CDH12: variants seen among roughly 807,000 people sequenced by gnomAD.
CDH12 encodes cadherin 12.
CDH12 carries 41 observed loss-of-function variants against 74.1 expected under a neutral mutation model. That is an observed-to-expected ratio of 0.55 (90% CI 0.43 to 0.72). The LOEUF (loss-of-function observed/expected upper bound fraction) is 0.72, where lower values mean the gene tolerates loss of function less well. CDH12 is among the 30% of genes least tolerant of loss of function. The pLI is 0.00. For missense variants in CDH12, 945 were observed against 977.2 expected, an observed-to-expected ratio of 0.97 and a Z score of 0.44; for synonymous variants, 399 against 355.0, an observed-to-expected ratio of 1.12 and a Z score of -1.39.
At chr5:21,818,641 CTAAATACTCAACTAAAGTTTGTTTATTT>C (rs1242908253) in intron 8 of CDH12, among the ~76,000 whole-genome samples, 1 of 151,788 alleles carries the variant, frequency 6.6e-6, no homozygotes. Flanking sequence ...CTCAAGAGAG[CTAAATACTCAACTAAAGTTTGTTTATTT>C]TACATATAAG....
chr5:22,359,522 G>A (rs1371180790), intron 3 of CDH12, among the ~76,000 whole-genome samples: 1 of 152,094 alleles, frequency 6.6e-6, no homozygotes, highest in African/African-American at 2.4e-5. Context: ...ACAGATCAAC[G>A]AGACAGAAAG....
intron 1 of CDH12, among the ~76,000 whole-genome samples, chr5:22,608,127 C>A (rs1737211032): frequency 1.3e-5 from 2 of 152,170 alleles, no homozygotes; most frequent in South Asian, 4.1e-4. Context: ...AAAGCTTGCA[C>A]CATGTGCCTG....
chr5:22,148,344 G>A (rs962742085), intron 4 of CDH12, among the ~76,000 whole-genome samples: 33 of 151,874 alleles, frequency 2.2e-4, no homozygotes, highest in Non-Finnish European at 3.8e-4. Flanking sequence ...TTTCTGAGTT[G>A]TGCATTATAT....
intron 1 of CDH12, among the ~76,000 whole-genome samples, chr5:22,809,980 A>G (rs1202424043): frequency 6.6e-6 from 1 of 152,166 alleles, no homozygotes; most frequent in African/African-American, 2.4e-5. Context: ...TTTTAGTATT[A>G]TAAAACTCAT....
chr5:22,244,805 AT>A (rs1752889998), intron 3 of CDH12, among the ~76,000 whole-genome samples: 1 of 146,310 alleles, frequency 6.8e-6, no homozygotes, highest in Non-Finnish European at 1.5e-5. Flanking sequence ...AGAAAGAAAA[AT>A]TCAAAGTAGG....
At chr5:22,681,737 G>A (rs907125983) in intron 1 of CDH12, among the ~76,000 whole-genome samples, 2 of 152,008 alleles carry the variant, frequency 1.3e-5, no homozygotes, top group Non-Finnish European at 2.9e-5. Context: ...GAAACATTGT[G>A]ATTGTTTCAA....
In CDH12 at chr5:21,988,839, T is replaced by G. The variant is rs11956671; in HGVS notation, c.232-13454A>C. On this transcript the variant is annotated intron_variant, in intron 5 of 14. Transcript: ENST00000382254. ...CATTAAAACTTCACAAGCTTTTGGATTTTTTAACAAATATTAGGGCTGTGC... is the reference window on the plus strand; with the variant it reads ...CATTAAAACTTCACAAGCTTTTGGAGTTTTTAACAAATATTAGGGCTGTGC... Among the ~76,000 whole-genome samples, 1,141 of 152,206 alleles carry G rather than the reference T, an allele frequency of 7.5e-3. 16 individuals are homozygous for G. The highest frequency in any genetic ancestry group is 0.026 in the African/African-American group (1,072 of 41,536).
intron 3 of CDH12, among the ~76,000 whole-genome samples, chr5:22,336,685 C>T (rs6880693): frequency 0.011 from 1,699 of 152,272 alleles, 35 homozygotes; most frequent in African/African-American, 0.039. Flanking sequence ...GGAACCTCTA[C>T]CTAGATTTCA....
intron 1 of CDH12, among the ~76,000 whole-genome samples, chr5:22,661,412 C>T (rs960213247): frequency 2.0e-5 from 3 of 152,168 alleles, no homozygotes; most frequent in Non-Finnish European, 4.4e-5. Flanking sequence ...TACTCCAATG[C>T]AGACGTTTTA....
chr5:22,568,303 TA>T (rs1739384925), intron 1 of CDH12, among the ~76,000 whole-genome samples: 1 of 152,152 alleles, frequency 6.6e-6, no homozygotes, highest in Admixed American at 6.5e-5. Context: ...TCAGTGCTTA[TA>T]AAAAGTATAT....
chr5:22,264,197 A>G (rs1319994701), intron 3 of CDH12, among the ~76,000 whole-genome samples: 1 of 151,832 alleles, frequency 6.6e-6, no homozygotes, highest in Non-Finnish European at 1.5e-5. Context: ...CATATATTTG[A>G]TTGTGGTTTT....
At chr5:22,183,901 G>T (rs1434284855) in intron 4 of CDH12, among the ~76,000 whole-genome samples, 2 of 152,068 alleles carry the variant, frequency 1.3e-5, no homozygotes, top group African/African-American at 4.8e-5. Context: ...TTGACAGTTA[G>T]AAAGGGTCCT....
chr5:22,729,928 G>A (rs181062875), intron 1 of CDH12, among the ~76,000 whole-genome samples: 90 of 151,844 alleles, frequency 5.9e-4, no homozygotes, highest in African/African-American at 2.1e-3. Context: ...AGGATTAAAT[G>A]AACATATACA....
chr5:21,804,278 G>A (rs1432850035), intron 9 of CDH12, among the ~76,000 whole-genome samples: 1 of 152,048 alleles, frequency 6.6e-6, no homozygotes, highest in African/African-American at 2.4e-5. Context: ...TTGATGACAT[G>A]AATAGAAGTG....
intron 4 of CDH12, among the ~76,000 whole-genome samples, chr5:22,156,912 A>G (rs1748052963): frequency 6.6e-6 from 1 of 152,292 alleles, no homozygotes; most frequent in African/African-American, 2.4e-5. Flanking sequence ...ACCCTACTGA[A>G]TGTTTCCCTC....
intron 1 of CDH12, among the ~76,000 whole-genome samples, chr5:22,516,865 C>G (rs1736831427): frequency 6.6e-6 from 1 of 151,768 alleles, no homozygotes. Context: ...AAAAGAAAAA[C>G]AGTATATTAA....
At chr5:22,691,115 A>G (rs924634367) in intron 1 of CDH12, among the ~76,000 whole-genome samples, 4 of 152,212 alleles carry the variant, frequency 2.6e-5, no homozygotes, top group African/African-American at 7.2e-5. Context: ...ATTCAATAAA[A>G]TCATAAAGTG....
intron 1 of CDH12, among the ~76,000 whole-genome samples, chr5:22,621,862 C>G (rs1031671153): frequency 5.3e-5 from 8 of 152,046 alleles, no homozygotes; most frequent in Admixed American, 2.6e-4. Context: ...GCCACCCCCA[C>G]TGTAAAAACA....
At chr5:22,051,914 A>G (rs1740397513) in intron 5 of CDH12, among the ~76,000 whole-genome samples, 1 of 152,162 alleles carries the variant, frequency 6.6e-6, no homozygotes, top group African/African-American at 2.4e-5. Context: ...AGAAAACAGT[A>G]AGATTTTAAA....
Sources: allele counts gnomAD v4.1 joint callset (sites outside exome capture counted in the v4.1 genomes callset), GRCh38; gene constraint gnomAD v4.1.1; transcripts MANE v1.5; gene names NCBI Gene and HGNC (gene_info 2026-07-23, HGNC 2026-07-21).